Variants in BCAS3 observed in about 807,000 individuals in gnomAD.
BCAS3 encodes the protein BCAS3 microtubule associated cell migration factor.
In BCAS3, 53 loss-of-function variants were observed where a neutral mutation model predicts 116.1. That is an observed-to-expected ratio of 0.46 (90% CI 0.37 to 0.57). The LOEUF is 0.57. Among genes scored for constraint, BCAS3 ranks in the 20% least tolerant of loss-of-function variants. BCAS3 has a pLI of 0.00. For synonymous variants in BCAS3, 391 were observed against 408.2 expected, an observed-to-expected ratio of 0.96 and a Z score of 0.51; for missense variants, 917 against 1,165.4, an observed-to-expected ratio of 0.79 and a Z score of 3.10.
chr17:61,123,716 C>T (rs1179465527), intron 22 of BCAS3, among the ~76,000 whole-genome samples: 1 of 151,666 alleles, frequency 6.6e-6, no homozygotes, highest in Non-Finnish European at 1.5e-5. Flanking sequence ...CGTAATCTGC[C>T]CAGTATTAAT....
chr17:61,322,830 CAGAGAGAGAGAGAG>C (rs1237128472), intron 22 of BCAS3, among the ~76,000 whole-genome samples: 1 of 75,434 alleles, frequency 1.3e-5, no homozygotes, highest in African/African-American at 5.2e-5. Context: ...GAGAGAGAGA[CAGAGAGAGAGAGAG>C]AGAGAGAGAG....
In BCAS3 at chr17:61,087,883, T is replaced by A. The variant is rs1469039756; in HGVS notation, c.2425+3319T>A. 2.6e-5 allele frequency among the ~76,000 whole-genome samples: 4 copies of A among 152,128 alleles called. No homozygotes were observed. The East Asian group carries it at 7.7e-4, about 29-fold the overall frequency. On this transcript the variant is annotated intron_variant, in intron 22 of 23. Coordinates refer to ENST00000407086, the MANE Select transcript of BCAS3 (RefSeq NM_017679.5). The surrounding 1 kb of genome is among the most constrained non-coding windows in gnomAD (Gnocchi z 4.6). ...ATCTGTCTCATCTTGTCTTTGGTGATTCTAATGACACCATACCAGCTGGGC... is the reference window on the plus strand; with the variant it reads ...ATCTGTCTCATCTTGTCTTTGGTGAATCTAATGACACCATACCAGCTGGGC...
At chr17:61,045,311 C>A (rs1401501121) in intron 19 of BCAS3, among the ~76,000 whole-genome samples, 1 of 151,414 alleles carries the variant, frequency 6.6e-6, no homozygotes, top group South Asian at 2.1e-4. Flanking sequence ...AAGTTCAAGA[C>A]CATCCTGGGC....
chr17:61,149,423 G>A (rs2077424791), intron 22 of BCAS3, among the ~76,000 whole-genome samples: 1 of 152,064 alleles, frequency 6.6e-6, no homozygotes, highest in Non-Finnish European at 1.5e-5. Context: ...TTTCTCATGA[G>A]AGTTGGAGAT....
intron 6 of BCAS3, among the ~76,000 whole-genome samples, chr17:60,798,036 G>A (rs1422221471): frequency 2.0e-5 from 3 of 152,148 alleles, no homozygotes; most frequent in African/African-American, 7.2e-5. Context: ...GTGAGACCCT[G>A]TCTCAAACAA....
intron 10 of BCAS3, among the ~76,000 whole-genome samples, chr17:60,894,405 T>C (rs2057378204): frequency 6.6e-6 from 1 of 152,226 alleles, no homozygotes; most frequent in Non-Finnish European, 1.5e-5. Flanking sequence ...TTTTGTATGT[T>C]AATTTTATAT....
At chr17:60,764,553 C>A (rs1306729642) in intron 6 of BCAS3, among the ~76,000 whole-genome samples, 1 of 152,114 alleles carries the variant, frequency 6.6e-6, no homozygotes, top group African/African-American at 2.4e-5. Context: ...GTACTGTGGT[C>A]TGAGAGACAG....
At position 61,131,516 on chromosome 17, in the gene BCAS3, T is replaced by A. The variant is rs184820209; in HGVS notation, c.2425+46952T>A. Reference sequence around the variant, plus strand: ...ATGAAATTATATTCCAAACTCATAATTAAGTATGAACAATTTGCATTTGAG... The same window carrying A: ...ATGAAATTATATTCCAAACTCATAAATAAGTATGAACAATTTGCATTTGAG... On this transcript the variant is annotated intron_variant, in intron 22 of 23. Transcript: ENST00000407086. This position sits in a 1 kb window ranked among gnomAD's most constrained non-coding sequence, Gnocchi z 4.4. Among the ~76,000 whole-genome samples, 631 of 152,364 alleles carry A rather than the reference T, an allele frequency of 4.1e-3. 15 individuals are homozygous for A. The South Asian group carries it at 0.058, about 14-fold the overall frequency.
At chr17:61,135,092 C>T (rs1022797361) in intron 22 of BCAS3, among the ~76,000 whole-genome samples, 22 of 152,174 alleles carry the variant, frequency 1.4e-4, no homozygotes, top group Admixed American at 3.9e-4. Context: ...TAAACTGCGA[C>T]GTGTGAAGTG....
Position 61,285,510 on chromosome 17 carries a change from G to A in BCAS3, c.2426-82817G>A, listed in dbSNP as rs990575776. Reference sequence around the variant, plus strand: ...TAGACTAGACTAGAGGATTGACGCAGTGAAAATGTTTACTCCTCTAATTAA... The same window carrying A: ...TAGACTAGACTAGAGGATTGACGCAATGAAAATGTTTACTCCTCTAATTAA... On this transcript the variant is annotated intron_variant, in intron 22 of 23. Transcript: ENST00000407086. This position sits in a 1 kb window ranked among gnomAD's most constrained non-coding sequence, Gnocchi z 5.4. 2.6e-5 allele frequency among the ~76,000 whole-genome samples: 4 copies of A among 152,192 alleles called. No individual in the cohort carries two copies. Among genetic ancestry groups the A allele is most frequent in the Admixed American group, 2.6e-4 (4 of 15,286 alleles).
intron 13 of BCAS3, among the ~76,000 whole-genome samples, chr17:60,939,954 GA>G (rs1450300350): frequency 1.3e-5 from 2 of 152,048 alleles, no homozygotes; most frequent in Non-Finnish European, 2.9e-5. Flanking sequence ...TAAAAATAAT[GA>G]ACATTAGAAT....
chr17:61,036,985 C>T (rs1333523898), intron 17 of BCAS3, among the ~76,000 whole-genome samples: 1 of 152,208 alleles, frequency 6.6e-6, no homozygotes, highest in African/African-American at 2.4e-5. Context: ...TATATACCTT[C>T]TGTCTCCACA....
intron 4 of BCAS3, among the ~76,000 whole-genome samples, chr17:60,705,313 G>C (rs1409579361): frequency 6.6e-6 from 1 of 152,134 alleles, no homozygotes; most frequent in African/African-American, 2.4e-5. Context: ...TAGGTCAGGA[G>C]TTCGAGACCA....
At chr17:60,903,556 A>G (rs1599573260) in intron 11 of BCAS3, among the ~76,000 whole-genome samples, 1 of 152,128 alleles carries the variant, frequency 6.6e-6, no homozygotes. Flanking sequence ...AGGAGTGAAC[A>G]CCCACCTCAG....
At chr17:60,988,360 T>TTTTTTTTTTTTTTTTTTTTTTTTTG (rs1555651709) in intron 14 of BCAS3, among the ~76,000 whole-genome samples, 1 of 134,818 alleles carries the variant, frequency 7.4e-6, no homozygotes, top group Admixed American at 7.2e-5. Context: ...TTTTTTTTTT[T>TTTTTTTTTTTTTTTTTTTTTTTTTG]ATGTATGTGT....
intron 9 of BCAS3, among the ~76,000 whole-genome samples, chr17:60,884,749 T>C (rs372626583): frequency 0.011 from 1,512 of 143,020 alleles, 12 homozygotes; most frequent in African/African-American, 0.032. Flanking sequence ...TGTAGTTGAG[T>C]GGCTTTGAGT....
intron 13 of BCAS3, among the ~76,000 whole-genome samples, chr17:60,926,750 G>A (rs751775997): frequency 3.4e-4 from 51 of 152,060 alleles, no homozygotes; most frequent in Non-Finnish European, 4.0e-4. Context: ...GACACTGGCA[G>A]CTGTATTTTT....
At position 61,085,890 on chromosome 17, in the gene BCAS3, A is replaced by C. The variant is rs190150746; in HGVS notation, c.2425+1326A>C. On this transcript the variant is annotated intron_variant, in intron 22 of 23. Transcript: ENST00000407086. ...GAATCCTGGAAATGTTACATATTTT[A>C]ATCTGAAGTATTTTATTCAAGATTA... 1.9e-3 allele frequency among the ~76,000 whole-genome samples: 283 copies of C among 152,340 alleles called. 1 individual carries two copies. Among genetic ancestry groups the C allele is most frequent in the African/African-American group, 6.5e-3 (272 of 41,584 alleles).
chr17:61,099,262 G>A (rs1209489967), intron 22 of BCAS3, among the ~76,000 whole-genome samples: 1 of 152,088 alleles, frequency 6.6e-6, no homozygotes, highest in Non-Finnish European at 1.5e-5. Flanking sequence ...ATCTCCCTTT[G>A]CCTGGTATTG....
Sources: allele counts gnomAD v4.1 joint callset (sites outside exome capture counted in the v4.1 genomes callset), GRCh38; gene constraint gnomAD v4.1.1; non-coding constraint Gnocchi (gnomAD v3.1); transcripts MANE v1.5; gene names NCBI Gene and HGNC (gene_info 2026-07-23, HGNC 2026-07-21).